MECOM: variants seen among roughly 807,000 people sequenced by gnomAD.
MECOM encodes MDS1 and EVI1 complex locus.
Under a neutral mutation model 116.3 loss-of-function variants are expected in MECOM, and 13 were observed. The ratio of observed to expected loss-of-function variants is 0.11; its 90% CI spans 0.07 to 0.18. MECOM has a LOEUF of 0.18. Ranked by LOEUF, MECOM falls within the 10% of genes least tolerant of loss-of-function variation. The pLI is 1.00. For missense variants in MECOM, 1,299 were observed against 1,509.0 expected (o/e 0.86, Z 2.31); for synonymous variants, 528 against 535.2 (o/e 0.99, Z 0.19).
intron 2 of MECOM, among the ~76,000 whole-genome samples, chr3:169,325,195 G>T (rs554539199): frequency 1.3e-5 from 2 of 152,106 alleles, no homozygotes; most frequent in African/African-American, 4.8e-5. Flanking sequence ...GCACAGCTAC[G>T]GGTCCGCTTG....
chr3:169,458,517 T>C (rs1178205153), intron 1 of MECOM, among the ~76,000 whole-genome samples: 1 of 152,232 alleles, frequency 6.6e-6, no homozygotes, highest in Non-Finnish European at 1.5e-5. Flanking sequence ...GATGAGTTGA[T>C]GCCGTTATCT....
chr3:169,339,756 T>TA (rs926663604), intron 2 of MECOM, among the ~76,000 whole-genome samples: 2 of 151,624 alleles, frequency 1.3e-5, no homozygotes, highest in African/African-American at 2.4e-5. Context: ...AAATGACATT[T>TA]AAAAAAAAAC....
At chr3:169,418,273 A>T (rs1739070466) in intron 1 of MECOM, among the ~76,000 whole-genome samples, 1 of 152,136 alleles carries the variant, frequency 6.6e-6, no homozygotes, top group East Asian at 1.9e-4. Flanking sequence ...TACCAACCAA[A>T]AAAAGCCCAG....
intron 1 of MECOM, among the ~76,000 whole-genome samples, chr3:169,479,914 C>G (rs982681076): frequency 3.3e-5 from 5 of 152,122 alleles, no homozygotes; most frequent in Non-Finnish European, 7.4e-5. Context: ...AGACAAATTC[C>G]CCATTTTTTA....
chr3:169,141,218 T>C (rs1488106), intron 3 of MECOM, among the ~76,000 whole-genome samples: 97,540 of 151,844 alleles, frequency 0.64, 31,929 homozygotes, highest in African/African-American at 0.73. Context: ...TCCGTTTTTT[T>C]AGAGTCCAGG....
intron 1 of MECOM, 108 bp from the exon 2 acceptor site, chr3:169,381,632 C>A (rs978839658): frequency 1.2e-6 from 1 of 830,500 alleles, no homozygotes; most frequent in African/African-American, 1.7e-5. Context: ...ACAGGAAAGA[C>A]CATTGTTACG....
chr3:169,578,759 C>A (rs771768801), intron 1 of MECOM, among the ~76,000 whole-genome samples: 2 of 152,152 alleles, frequency 1.3e-5, no homozygotes. Context: ...TAATTACAAG[C>A]GTACACAAAA....
At chr3:169,284,020 A>C (rs1367815948) in intron 2 of MECOM, among the ~76,000 whole-genome samples, 1 of 152,240 alleles carries the variant, frequency 6.6e-6, no homozygotes, top group Non-Finnish European at 1.5e-5. Context: ...CAGCCTGGAC[A>C]AAAGGTGCTT....
At chr3:169,365,181 T>C (rs1178171584) in intron 2 of MECOM, among the ~76,000 whole-genome samples, 1 of 151,978 alleles carries the variant, frequency 6.6e-6, no homozygotes, top group African/African-American at 2.4e-5. Flanking sequence ...GGTTTTATCT[T>C]ATTTATTTGT....
chr3:169,465,124 G>A (rs1048631206), intron 1 of MECOM, among the ~76,000 whole-genome samples: 7 of 151,752 alleles, frequency 4.6e-5, no homozygotes, highest in African/African-American at 2.4e-5. Context: ...CTATATATTC[G>A]TACTTTATTT....
intron 2 of MECOM, among the ~76,000 whole-genome samples, chr3:169,144,809 A>G (rs1739266543): frequency 6.6e-6 from 1 of 152,200 alleles, no homozygotes; most frequent in African/African-American, 2.4e-5. Context: ...ACAAACGAGG[A>G]AGTTTCCTAT....
chr3:169,266,346 T>C (rs922985074), intron 2 of MECOM, among the ~76,000 whole-genome samples: 1 of 152,212 alleles, frequency 6.6e-6, no homozygotes, highest in Admixed American at 6.5e-5. Context: ...TATGCTATTG[T>C]TAGTCAAAGT....
chr3:169,440,214 GTA>G (rs1450232413), intron 1 of MECOM, among the ~76,000 whole-genome samples: 2 of 121,874 alleles, frequency 1.6e-5, no homozygotes, highest in African/African-American at 6.2e-5. Flanking sequence ...TTTTATATGT[GTA>G]TATATATATT....
At chr3:169,473,802 C>T (rs894483090) in intron 1 of MECOM, among the ~76,000 whole-genome samples, 22 of 151,842 alleles carry the variant, frequency 1.4e-4, no homozygotes, top group African/African-American at 4.8e-4. Context: ...AAATACCAGA[C>T]ACTATTAGTT....
In MECOM at chr3:169,307,295, A is replaced by C. The variant is rs184272576; in HGVS notation, c.375+73892T>G. Among the ~76,000 whole-genome samples, 19 of 152,242 alleles carry C rather than the reference A, an allele frequency of 1.2e-4. 1 individual carries two copies. The highest frequency in any genetic ancestry group is 4.1e-4 in the African/African-American group (17 of 41,530). Reference sequence around the variant, plus strand: ...AATTGCCCCCTTCAATAGCTTCTCCACACAAACGCCAAAATAATCATTTAA... The same window carrying C: ...AATTGCCCCCTTCAATAGCTTCTCCCCACAAACGCCAAAATAATCATTTAA... On this transcript the variant is annotated intron_variant, in intron 2 of 16. Transcript: ENST00000651503.
chr3:169,292,961 C>T (rs939557791), intron 2 of MECOM, among the ~76,000 whole-genome samples: 1 of 151,924 alleles, frequency 6.6e-6, no homozygotes, highest in African/African-American at 2.4e-5. Context: ...GGATGTCAGA[C>T]CTAAAAAAGG....
At chr3:169,467,739 G>GCC (rs1748538626) in intron 1 of MECOM, among the ~76,000 whole-genome samples, 1 of 152,132 alleles carries the variant, frequency 6.6e-6, no homozygotes, top group African/African-American at 2.4e-5. Context: ...GAGGTTGTAA[G>GCC]TCTAGTTAAT....
At chr3:169,300,343 T>G (rs140570684) in intron 2 of MECOM, among the ~76,000 whole-genome samples, 3,457 of 152,304 alleles carry the variant, frequency 0.023, 92 homozygotes, top group Non-Finnish European at 0.027. Flanking sequence ...GAAGAAACCT[T>G]AGAATCTTAG....
intron 2 of MECOM, among the ~76,000 whole-genome samples, chr3:169,356,885 G>T (rs528138559): frequency 3.1e-4 from 47 of 151,850 alleles, no homozygotes; most frequent in Non-Finnish European, 5.7e-4. Context: ...TTATGAAAAT[G>T]GTAACTTAAA....
Sources: allele counts gnomAD v4.1 joint callset (sites outside exome capture counted in the v4.1 genomes callset), GRCh38; gene constraint gnomAD v4.1.1; transcripts MANE v1.5; gene names NCBI Gene and HGNC (gene_info 2026-07-23, HGNC 2026-07-21).